SSUH2: variants seen among roughly 807,000 people sequenced by gnomAD.
SSUH2 encodes the protein protein SSUH2 homolog.
Under a neutral mutation model 55.3 loss-of-function variants are expected in SSUH2, and 47 were observed. The observed-to-expected ratio is 0.85, with a 90% confidence interval of 0.67 to 1.08. The LOEUF (loss-of-function observed/expected upper bound fraction) is 1.08. Among genes scored for constraint, SSUH2 ranks in the 50% least tolerant of loss-of-function variants. SSUH2 has a pLI of 0.00. For synonymous variants in SSUH2, 212 were observed against 191.5 expected, an observed-to-expected ratio of 1.11 and a Z score of -0.89; for missense variants, 535 against 490.7, an observed-to-expected ratio of 1.09 and a Z score of -0.85.
intron 1 of SSUH2, among the ~76,000 whole-genome samples, chr3:8,639,185 G>A (rs548926690): frequency 3.3e-5 from 5 of 152,316 alleles, no homozygotes; most frequent in East Asian, 3.9e-4. Context: ...CACCCAGCAC[G>A]GGGCACTCGG....
chr3:8,646,743 C>G (rs1371827711), upstream of SSUH2, among the ~76,000 whole-genome samples: 5 of 152,196 alleles, frequency 3.3e-5, no homozygotes, highest in East Asian at 9.6e-4. Flanking sequence ...GAACAAGCAG[C>G]ATTAGCTCTG....
intron 7 of SSUH2, among the ~76,000 whole-genome samples, chr3:8,653,084 C>G (rs1000385260): frequency 1.3e-5 from 2 of 152,174 alleles, no homozygotes; most frequent in African/African-American, 4.8e-5. Flanking sequence ...AAATGATAGC[C>G]ACAAGAATGG....
At chr3:8,634,747 G>A (rs1699625755) in intron 3 of SSUH2, 3 of 397,886 alleles carry the variant, frequency 7.5e-6, no homozygotes, top group Admixed American at 3.4e-5. Flanking sequence ...GCCCAGGTGA[G>A]AGGCTGGATT....
chr3:8,662,647 A>AG (rs1357095894), intron 6 of SSUH2, among the ~76,000 whole-genome samples: 29 of 152,358 alleles, frequency 1.9e-4, no homozygotes, highest in African/African-American at 7.0e-4. Flanking sequence ...AGACCAGAAA[A>AG]GCCTGGCCCT....
upstream of SSUH2, among the ~76,000 whole-genome samples, chr3:8,648,085 G>GC (rs1259581986): frequency 2.6e-5 from 4 of 152,138 alleles, no homozygotes; most frequent in Non-Finnish European, 4.4e-5. Context: ...TCTTCTTGAT[G>GC]CCCCCCAAAT....
At chr3:8,626,112 G>C in intron 9 of SSUH2, 117 bp downstream of exon 9, 1 of 775,262 alleles carries the variant, frequency 1.3e-6, no homozygotes, top group Non-Finnish European at 2.3e-6. Flanking sequence ...TCTAAGTCCT[G>C]GCAGGTTCTT....
At chr3:8,644,138 T>C (rs1437318351) in intron 1 of SSUH2, among the ~76,000 whole-genome samples, 1 of 152,216 alleles carries the variant, frequency 6.6e-6, no homozygotes, top group African/African-American at 2.4e-5. Context: ...TGTATTTCTG[T>C]CCCGGTAGTG....
At chr3:8,630,754 G>A in intron 6 of SSUH2, 51 bp downstream of exon 6, 1 of 1,330,400 alleles carries the variant, frequency 7.5e-7, no homozygotes, top group Non-Finnish European at 9.7e-7. Flanking sequence ...TGCCTGGAAA[G>A]CCTCTCAGGG....
chr3:8,681,651 T>C (rs2633863), intron 1 of SSUH2, among the ~76,000 whole-genome samples: 53,688 of 144,062 alleles, frequency 0.37, 9,724 homozygotes, highest in African/African-American at 0.4. Flanking sequence ...GCACCCCCCG[T>C]GCGATGGGGA....
chr3:8,666,983 C>T (rs1446314630), intron 5 of SSUH2, among the ~76,000 whole-genome samples: 2 of 152,200 alleles, frequency 1.3e-5, no homozygotes, highest in Non-Finnish European at 2.9e-5. Context: ...CCCTCCCATG[C>T]CACAGGGTGA....
chr3:8,622,025 T>C (rs1171275541), intron 11 of SSUH2, among the ~76,000 whole-genome samples: 2 of 151,460 alleles, frequency 1.3e-5, no homozygotes, highest in Non-Finnish European at 2.9e-5. Flanking sequence ...TGCCATCAAG[T>C]GGTCATCACG....
chr3:8,670,184 T>C (rs890191399), intron 5 of SSUH2, among the ~76,000 whole-genome samples: 2 of 152,004 alleles, frequency 1.3e-5, no homozygotes, highest in Admixed American at 1.3e-4. Context: ...CAACTGGCCC[T>C]GAGAGAGCAG....
At chr3:8,623,725 T>G (rs1254465664) in intron 10 of SSUH2, 69 bp from the exon 11 acceptor site, 2 of 785,332 alleles carry the variant, frequency 2.5e-6, no homozygotes, top group African/African-American at 3.5e-5. Flanking sequence ...TCACTGGGGC[T>G]GACTAGAGCC....
In SSUH2 at chr3:8,632,100, C is replaced by T. The variant is rs1245228440; in HGVS notation, c.349G>A (p.Glu117Lys). 1 of 1,613,908 alleles carries T rather than the reference C, an allele frequency of 6.2e-7. No homozygotes were observed. The highest frequency in any genetic ancestry group is 1.3e-5 in the African/African-American group (1 of 75,010). The change falls in exon 5 of 12, where the codon GAG becomes AAG. Residue 117 changes from glutamate (E) to lysine (K), a missense_variant. Physicochemically the swap from Glu to Lys is moderately conservative, Grantham distance 56. Transcript: ENST00000544814. ...CTTATCCTGGATTCACTAAAGGTCT[C>T]CAGACGGTACTAAAAGGAAAAAAAC... is the stretch of plus-strand genomic sequence containing the variant. The part of the protein sequence containing the change: ...KRQTLCRYRL[E>K]TFSESRISEW...
intron 9 of SSUH2, among the ~76,000 whole-genome samples, chr3:8,625,984 G>C (rs355056): frequency 0.85 from 128,672 of 152,240 alleles, 54,822 homozygotes; most frequent in East Asian, 1. Context: ...GCTCAGTTGT[G>C]GAGCGGCTGC....
intron 1 of SSUH2, among the ~76,000 whole-genome samples, chr3:8,681,081 CAGGGGGGAGAGGCACCCCCGCGAGGCGGG>C (rs1705903358): frequency 1.0e-5 from 1 of 100,386 alleles, no homozygotes; most frequent in South Asian, 3.8e-4. Context: ...ACTTCCATAG[CAGGGGGGAGAGGCACCCCCGCGAGGCGGG>C]TTCTGAGAGC....
intron 7 of SSUH2, chr3:8,658,875 A>G (rs1472536415): frequency 1.3e-5 from 2 of 152,092 alleles, no homozygotes; most frequent in Non-Finnish European, 2.9e-5. Flanking sequence ...AAAACATAAT[A>G]AAGGCTATAG....
At chr3:8,680,358 C>G (rs1575417285) in intron 1 of SSUH2, among the ~76,000 whole-genome samples, 1 of 151,614 alleles carries the variant, frequency 6.6e-6, no homozygotes, top group Non-Finnish European at 1.5e-5. Context: ...GACTCACAGA[C>G]TGTTTACCAT....
chr3:8,651,023 C>T (rs1702336808), intron 7 of SSUH2, among the ~76,000 whole-genome samples: 1 of 152,262 alleles, frequency 6.6e-6, no homozygotes, highest in South Asian at 2.1e-4. Flanking sequence ...AGAAGGCTGC[C>T]TGCCAGCAAT....
Sources: gnomAD v4.1 joint callset for allele counts (sites outside exome capture counted in the v4.1 genomes callset) on GRCh38, gnomAD v4.1.1 for gene constraint, MANE v1.5 for transcripts, NCBI Gene and HGNC (gene_info 2026-07-23, HGNC 2026-07-21) for gene names.